The following RAP1A variants were observed in gnomAD, a reference collection of about 807,000 sequenced individuals.
RAP1A encodes RAP1A, member of RAS oncogene family.
Under a neutral mutation model 26.4 loss-of-function variants are expected in RAP1A, and 6 were observed. The ratio of observed to expected loss-of-function variants is 0.23; its 90% confidence interval spans 0.12 to 0.45. RAP1A has a LOEUF of 0.45. Among genes scored for constraint, RAP1A ranks in the 20% least tolerant of loss-of-function variants. RAP1A has a pLI of 0.99. For missense variants in RAP1A, 121 were observed against 217.2 expected (o/e 0.56, Z 2.78); for synonymous variants, 73 against 79.4 (o/e 0.92, Z 0.43).
At chr1:111,609,543 T>G (rs1044032538) in intron 1 of RAP1A, among the ~76,000 whole-genome samples, 7 of 152,342 alleles carry the variant, frequency 4.6e-5, no homozygotes, top group African/African-American at 1.7e-4. Context: ...CTAGACACAC[T>G]GGGTGCTGGT....
At chr1:111,703,556 A>G (rs1490817124) in intron 5 of RAP1A, 80 bp downstream of exon 5, 5 of 1,308,180 alleles carry the variant, frequency 3.8e-6, no homozygotes, top group South Asian at 2.0e-5. Context: ...CTCTATTAGT[A>G]GAGGATTTGG....
At chr1:111,658,813 G>A (rs1571537339) in intron 1 of RAP1A, among the ~76,000 whole-genome samples, 2 of 152,212 alleles carry the variant, frequency 1.3e-5, no homozygotes, top group East Asian at 3.8e-4. Flanking sequence ...CTGCCTGCCG[G>A]ATCTGTCAGT....
At chr1:111,661,751 A>G (rs1660643713) in intron 1 of RAP1A, among the ~76,000 whole-genome samples, 1 of 149,184 alleles carries the variant, frequency 6.7e-6, no homozygotes, top group Non-Finnish European at 1.5e-5. Flanking sequence ...GTGAGCCGAG[A>G]TTGCGCCACT....
At chr1:111,598,405 T>C (rs147109992) in intron 1 of RAP1A, among the ~76,000 whole-genome samples, 39 of 152,244 alleles carry the variant, frequency 2.6e-4, no homozygotes, top group Admixed American at 6.5e-4. Context: ...AGAGCCCAGT[T>C]TGGATCCAGA....
At chr1:111,605,239 C>G (rs982750236) in intron 1 of RAP1A, among the ~76,000 whole-genome samples, 6 of 152,168 alleles carry the variant, frequency 3.9e-5, no homozygotes, top group African/African-American at 1.4e-4. Context: ...GGCCAATTTA[C>G]CCGACCGATT....
intron 4 of RAP1A, among the ~76,000 whole-genome samples, chr1:111,699,366 A>G (rs76316683): frequency 0.05 from 7,575 of 151,934 alleles, 234 homozygotes; most frequent in South Asian, 0.087. Context: ...ACTCTAGGCT[A>G]TGTGATTACC....
At chr1:111,603,890 C>T (rs1257843766) in intron 1 of RAP1A, among the ~76,000 whole-genome samples, 2 of 152,226 alleles carry the variant, frequency 1.3e-5, no homozygotes, top group Non-Finnish European at 2.9e-5. Flanking sequence ...CCTCCAGCTA[C>T]ATTTTCAGAT....
At chr1:111,601,072 C>T (rs1466751422) in intron 1 of RAP1A, among the ~76,000 whole-genome samples, 1 of 152,118 alleles carries the variant, frequency 6.6e-6, no homozygotes, top group African/African-American at 2.4e-5. Context: ...GTGGGATTTC[C>T]AAGACCTTTC....
chr1:111,714,001 C>G lies in RAP1A; in HGVS notation c.*1600C>G, dbSNP rs974845388. ...TTGCAACTAGGTATGAAGAAGTGTT[C>G]ATGCCTTGCTGAGATTTTCCAGGCA... On this transcript the variant is annotated 3_prime_UTR_variant, in exon 8 of 8. Coordinates refer to ENST00000369709, the MANE Select transcript of RAP1A (RefSeq NM_002884.4). 1 of 152,180 alleles carries G rather than the reference C, an allele frequency of 6.6e-6. No individual in the cohort carries two copies. Among genetic ancestry groups the G allele is most frequent in the Non-Finnish European group, 1.5e-5 (1 of 68,034 alleles). 9.4% of individuals were successfully genotyped at this position (152,180 alleles called of 1,614,324 possible).
intron 1 of RAP1A, among the ~76,000 whole-genome samples, chr1:111,607,760 G>A (rs1482756747): frequency 7.1e-6 from 1 of 141,218 alleles, no homozygotes; most frequent in Non-Finnish European, 1.6e-5. Context: ...TCCCAGTAGG[G>A]GCGGCTGGGC....
rs201285703 is a variant in RAP1A, at chr1:111,635,813, T to TC, written c.-28+15885dup. Among the ~76,000 whole-genome samples, 1,419 of 151,994 alleles carry TC rather than the reference T, an allele frequency of 9.3e-3. 32 individuals carry two copies. The highest frequency in any genetic ancestry group is 0.033 in the African/African-American group (1,373 of 41,384). ...ACTCCTGACCTCTGACCTCAGGTGA[T>TC]CCCCCCACCTCAGCCTCCCAAAGTG... On this transcript the variant is annotated intron_variant, in intron 1 of 7. Transcript: ENST00000369709.
intron 1 of RAP1A, among the ~76,000 whole-genome samples, chr1:111,662,606 T>A (rs574036044): frequency 6.6e-6 from 1 of 152,262 alleles, no homozygotes; most frequent in East Asian, 1.9e-4. Flanking sequence ...GATGCTCTTA[T>A]ATGAGCAAAC....
chr1:111,596,154 C>T (rs1295617500), intron 1 of RAP1A, among the ~76,000 whole-genome samples: 1 of 152,158 alleles, frequency 6.6e-6, no homozygotes, highest in Non-Finnish European at 1.5e-5. Flanking sequence ...TGATTAAAGG[C>T]AGGGCTTTCT....
intron 1 of RAP1A, among the ~76,000 whole-genome samples, chr1:111,544,143 T>C (rs953898485): frequency 2.0e-5 from 3 of 152,210 alleles, no homozygotes; most frequent in African/African-American, 7.2e-5. Flanking sequence ...TCTCTGTTAA[T>C]GCAATATTAT....
intron 6 of RAP1A, among the ~76,000 whole-genome samples, chr1:111,706,085 CAG>C (rs1256928884): frequency 1.3e-5 from 2 of 152,124 alleles, no homozygotes; most frequent in Non-Finnish European, 2.9e-5. Context: ...CTTGTTAAAG[CAG>C]AGAGTTTATA....
intron 1 of RAP1A, among the ~76,000 whole-genome samples, chr1:111,549,309 CTT>C (rs767231547): frequency 8.0e-6 from 1 of 125,578 alleles, no homozygotes. Flanking sequence ...CAGTCATGGG[CTT>C]TTTTTTTTTT....
chr1:111,545,958 G>A (rs189744870), intron 1 of RAP1A, among the ~76,000 whole-genome samples: 253 of 152,162 alleles, frequency 1.7e-3, no homozygotes, highest in African/African-American at 5.8e-3. Flanking sequence ...CTGAACTTTC[G>A]GTTTAATTCA....
rs145000536 is a variant in RAP1A, at chr1:111,704,770, G to A, written c.468+284G>A. On this transcript the variant is annotated intron_variant, in intron 6 of 7. Transcript: ENST00000369709. The stretch of plus-strand genomic sequence containing the variant: ...CCTCTAAGTGATATGCGATAAAGTG[G>A]TGTGTAAAAATTGTTACATCACCTT... Among the ~76,000 whole-genome samples, 506 of 152,290 alleles carry A rather than the reference G, an allele frequency of 3.3e-3. 3 individuals are homozygous for A. Among genetic ancestry groups the A allele is most frequent in the African/African-American group, 0.011 (452 of 41,538 alleles).
intron 1 of RAP1A, among the ~76,000 whole-genome samples, chr1:111,553,969 A>C (rs1657378545): frequency 6.6e-6 from 1 of 152,246 alleles, no homozygotes; most frequent in African/African-American, 2.4e-5. Context: ...TTGCTTCCCC[A>C]TTCTGACTGT....
Sources: allele counts gnomAD v4.1 joint callset (sites outside exome capture counted in the v4.1 genomes callset), GRCh38; gene constraint gnomAD v4.1.1; transcripts MANE v1.5; gene names NCBI Gene and HGNC (gene_info 2026-07-23, HGNC 2026-07-21).